The following SLIT3 variants were observed in gnomAD, a reference collection of about 807,000 sequenced individuals.
The protein encoded by SLIT3 is slit homolog 3 protein.
A neutral mutation model predicts 184.0 loss-of-function variants in SLIT3; 68 were observed. That is an observed-to-expected ratio of 0.37 (90% confidence interval 0.30 to 0.45). The LOEUF (loss-of-function observed/expected upper bound fraction) is 0.45, where lower values mean the gene tolerates loss of function less well. Ranked by LOEUF, SLIT3 falls within the 20% of genes least tolerant of loss-of-function variation. SLIT3 has a pLI of 1.00. For synonymous variants in SLIT3, 831 were observed against 828.6 expected, an observed-to-expected ratio of 1.00 and a Z score of -0.05; for missense variants, 1,707 against 2,026.0, an observed-to-expected ratio of 0.84 and a Z score of 3.02.
chr5:169,159,754 T>G (rs532321022), intron 4 of SLIT3, among the ~76,000 whole-genome samples: 1 of 152,132 alleles, frequency 6.6e-6, no homozygotes, highest in Non-Finnish European at 1.5e-5. Flanking sequence ...CCAGCCTGGG[T>G]GACAGAGCAA....
At chr5:169,109,689 C>T (rs540697002) in intron 4 of SLIT3, among the ~76,000 whole-genome samples, 2 of 152,288 alleles carry the variant, frequency 1.3e-5, no homozygotes, top group African/African-American at 4.8e-5. Flanking sequence ...TACCATCTCC[C>T]TATTTCACTC....
intron 9 of SLIT3, among the ~76,000 whole-genome samples, chr5:168,798,684 T>C (rs1321273598): frequency 2.6e-5 from 4 of 152,062 alleles, no homozygotes; most frequent in Admixed American, 2.6e-4. Context: ...GGAGCGTGGT[T>C]GCGAACAGTT....
At chr5:169,146,271 G>T (rs1761920849) in intron 4 of SLIT3, among the ~76,000 whole-genome samples, 1 of 152,248 alleles carries the variant, frequency 6.6e-6, no homozygotes, top group Non-Finnish European at 1.5e-5. Flanking sequence ...CAAGGTATTT[G>T]TTCTTAACCG....
intron 12 of SLIT3, among the ~76,000 whole-genome samples, chr5:168,784,579 T>C (rs1756084852): frequency 6.6e-6 from 1 of 152,168 alleles, no homozygotes. Flanking sequence ...GGAGAATCTG[T>C]CCAGAGCTGA....
At chr5:169,228,966 G>T (rs1005023153) in intron 3 of SLIT3, among the ~76,000 whole-genome samples, 1 of 152,096 alleles carries the variant, frequency 6.6e-6, no homozygotes, top group Non-Finnish European at 1.5e-5. Context: ...AAAATCCAGC[G>T]CACAGCCATG....
intron 4 of SLIT3, among the ~76,000 whole-genome samples, chr5:168,902,245 G>C (rs562804402): frequency 1.3e-5 from 2 of 152,118 alleles, no homozygotes; most frequent in Admixed American, 1.3e-4. Flanking sequence ...AAATATTAAC[G>C]AACATTTGTT....
chr5:168,918,600 C>T (rs1761525631), intron 4 of SLIT3, among the ~76,000 whole-genome samples: 1 of 152,176 alleles, frequency 6.6e-6, no homozygotes, highest in Non-Finnish European at 1.5e-5. Flanking sequence ...TGGAAGAATT[C>T]AGCTCTTAGT....
At chr5:169,014,757 C>G (rs991938864) in intron 4 of SLIT3, among the ~76,000 whole-genome samples, 18 of 152,160 alleles carry the variant, frequency 1.2e-4, no homozygotes, top group Admixed American at 3.9e-4. Flanking sequence ...TTGAGACCAG[C>G]CTGACCAATA....
At chr5:168,905,429 T>C (rs1178035392) in intron 4 of SLIT3, among the ~76,000 whole-genome samples, 2 of 152,196 alleles carry the variant, frequency 1.3e-5, no homozygotes, top group Non-Finnish European at 1.5e-5. Context: ...TAATATTTTG[T>C]TAATCAGAAG....
At chr5:169,184,345 C>T (rs1156434866) in intron 4 of SLIT3, among the ~76,000 whole-genome samples, 3 of 152,138 alleles carry the variant, frequency 2.0e-5, no homozygotes, top group Non-Finnish European at 4.4e-5. Context: ...GTCAGAGAGA[C>T]CTGGGTTCAT....
chr5:168,738,279 A>T (rs1763500460), intron 20 of SLIT3, among the ~76,000 whole-genome samples: 1 of 152,206 alleles, frequency 6.6e-6, no homozygotes, highest in African/African-American at 2.4e-5. Flanking sequence ...GAATCAGGAC[A>T]TCGCTACCAA....
chr5:168,663,169 G>A lies in SLIT3; in HGVS notation c.*3285C>T, dbSNP rs896345912. On this transcript the variant is annotated 3_prime_UTR_variant, in exon 36 of 36. Coordinates refer to ENST00000519560, the MANE Select transcript of SLIT3 (RefSeq NM_003062.4). ...CCTGGTGACTCCTCCCAGGAAGCCA[G>A]TGACCCTCGGTGGGGCTCTTGAGAT... The A allele has an allele frequency of 6.6e-6, 1 of 152,214 alleles. No individual in the cohort carries two copies. Among genetic ancestry groups the A allele is most frequent in the African/African-American group, 2.4e-5 (1 of 41,412 alleles). The allele number at this position is 152,214 out of a possible 1,614,324, so 9.4% of individuals were successfully genotyped here.
rs200314101 is a variant in SLIT3, at chr5:168,691,697, T to C, written c.3176+910A>G. ...GCCTGTTTCCCAAAACCCTGACTCC[T>C]TGGTGCTAGTGGCTTTCCTCTGGTG... On this transcript the variant is annotated intron_variant, in intron 29 of 35. Transcript: ENST00000519560. Among the ~76,000 whole-genome samples the C allele has an allele frequency of 1.3e-4, 20 of 152,290 alleles. No individual in the cohort carries two copies. In the East Asian group the frequency reaches 2.7e-3, roughly 21 times the overall value.
At chr5:168,857,074 C>T (rs530626131) in intron 5 of SLIT3, among the ~76,000 whole-genome samples, 10 of 152,014 alleles carry the variant, frequency 6.6e-5, no homozygotes, top group South Asian at 2.1e-4. Context: ...TCAGTCTCAC[C>T]GAGCTAAGTA....
chr5:168,871,246 C>T (rs756733703), intron 5 of SLIT3, among the ~76,000 whole-genome samples: 10 of 152,190 alleles, frequency 6.6e-5, no homozygotes, highest in Non-Finnish European at 1.2e-4. Flanking sequence ...TGGATCCCCT[C>T]AAATAATCCA....
intron 4 of SLIT3, among the ~76,000 whole-genome samples, chr5:169,070,814 AAG>A (rs1554095429): frequency 9.4e-5 from 14 of 149,006 alleles, no homozygotes; most frequent in African/African-American, 3.5e-4. Context: ...AAAAAAAAAA[AAG>A]AAACAAAAAA....
chr5:168,761,920 AAT>A (rs1491449191), intron 15 of SLIT3, among the ~76,000 whole-genome samples: 14 of 115,608 alleles, frequency 1.2e-4, no homozygotes, highest in African/African-American at 3.3e-4. Context: ...AAAAAAAAAA[AAT>A]TTTTTTTTTT....
chr5:169,289,823 C>T (rs548808642), intron 1 of SLIT3, among the ~76,000 whole-genome samples: 10 of 152,258 alleles, frequency 6.6e-5, no homozygotes, highest in Non-Finnish European at 1.0e-4. Flanking sequence ...CATAAAACTC[C>T]GATTAGAAGA....
At chr5:169,185,753 A>G (rs1763310894) in intron 4 of SLIT3, among the ~76,000 whole-genome samples, 1 of 152,228 alleles carries the variant, frequency 6.6e-6, no homozygotes, top group Non-Finnish European at 1.5e-5. Context: ...GAGCTCTTTT[A>G]GGGCTTCATA....
Sources: gnomAD v4.1 joint callset for allele counts (sites outside exome capture counted in the v4.1 genomes callset) on GRCh38, gnomAD v4.1.1 for gene constraint, MANE v1.5 for transcripts, NCBI Gene and HGNC (gene_info 2026-07-23, HGNC 2026-07-21) for gene names.